PCDHGA10: variants seen among roughly 807,000 people sequenced by gnomAD.
PCDHGA10 encodes the protein protocadherin gamma subfamily A, 10.
A neutral mutation model predicts 59.5 loss-of-function variants in PCDHGA10; 42 were observed. That is an observed-to-expected ratio of 0.71 (90% CI 0.55 to 0.91). The LOEUF (loss-of-function observed/expected upper bound fraction) is 0.91, where lower values mean the gene tolerates loss of function less well. Among genes scored for constraint, PCDHGA10 ranks in the 40% least tolerant of loss-of-function variants. The probability of loss-of-function intolerance (pLI) is 0.00; values close to 1 mark genes in which losing one functional copy is unlikely to be tolerated. For synonymous variants in PCDHGA10, 511 were observed against 517.2 expected (o/e 0.99, Z 0.16); for missense variants, 1,111 against 1,198.2 (o/e 0.93, Z 1.07).
At chr5:141,483,584 T>C (rs2099583159) in intron 1 of PCDHGA10, among the ~76,000 whole-genome samples, 1 of 152,064 alleles carries the variant, frequency 6.6e-6, no homozygotes, top group African/African-American at 2.4e-5. Context: ...CATAAACACC[T>C]AATAGGTCAG....
intron 1 of PCDHGA10, chr5:141,418,211 C>T (rs752988020): frequency 1.2e-6 from 2 of 1,613,916 alleles, no homozygotes; most frequent in East Asian, 4.5e-5. Context: ...AAATATTTTT[C>T]ATGTCATTGT....
chr5:141,489,287 T>C lies in PCDHGA10; in HGVS notation c.2437-5520T>C. 1 of 1,573,410 alleles carries C rather than the reference T, an allele frequency of 6.4e-7. No individual in the cohort carries two copies. Among genetic ancestry groups the C allele is most frequent in the Non-Finnish European group, 8.6e-7 (1 of 1,159,858 alleles). ...CAGCTCGCTGGGAAATGGCAAGTGC[T>C]GTGCATGTTGTCCTTGTGCTGCTGG... On this transcript the variant is annotated intron_variant, in intron 1 of 3. Transcript: ENST00000398610. The surrounding 1 kb of genome is among the most constrained non-coding windows in gnomAD (Gnocchi z 4.5).
rs72790062 is a variant in PCDHGA10, at chr5:141,476,031, C to A, written c.2437-18776C>A. On this transcript the variant is annotated intron_variant, in intron 1 of 3. Coordinates refer to ENST00000398610, the MANE Select transcript of PCDHGA10 (RefSeq NM_018913.3). The surrounding 1 kb of genome is among the most constrained non-coding windows in gnomAD (Gnocchi z 7.6). Reference sequence around the variant, plus strand: ...AAGCCATGTCGGACTCGGCGCCCAGCGCCCAAGCGCTAACCCGCTGAAAGT... The same window carrying A: ...AAGCCATGTCGGACTCGGCGCCCAGAGCCCAAGCGCTAACCCGCTGAAAGT... 6.9e-6 allele frequency: 10 copies of A among 1,457,214 alleles called. No homozygotes were observed. The highest frequency in any genetic ancestry group is 9.1e-6 in the Non-Finnish European group (10 of 1,094,860). 90.3% of individuals were successfully genotyped at this position (1,457,214 alleles called of 1,614,324 possible).
intron 1 of PCDHGA10, chr5:141,423,421 G>A (rs772863950): frequency 1.2e-6 from 2 of 1,614,080 alleles, no homozygotes; most frequent in Non-Finnish European, 1.7e-6. Flanking sequence ...TTCTGAAGGC[G>A]GGTTGGCAGG....
In PCDHGA10 at chr5:141,432,536, G is replaced by A. The variant is rs767744134; in HGVS notation, c.2436+16925G>A. 6.2e-7 allele frequency: 1 copy of A among 1,614,050 alleles called. No individual in the cohort carries two copies. Among genetic ancestry groups the A allele is most frequent in the Non-Finnish European group, 8.5e-7 (1 of 1,180,006 alleles). On this transcript the variant is annotated intron_variant, in intron 1 of 3. Coordinates refer to ENST00000398610, the MANE Select transcript of PCDHGA10 (RefSeq NM_018913.3). This position sits in a 1 kb window ranked among gnomAD's most constrained non-coding sequence, Gnocchi z 6.0. ...CGGCTACCTGGTGACCAAGGTGGTG[G>A]CGGTGGACAGAGACTCCGGCCAGAA...
intron 1 of PCDHGA10, among the ~76,000 whole-genome samples, chr5:141,473,759 C>G (rs989399714): frequency 3.3e-5 from 5 of 152,158 alleles, no homozygotes; most frequent in African/African-American, 1.2e-4. Flanking sequence ...GGATACTATG[C>G]AAAGGATTTG....
At position 141,477,965 on chromosome 5, in the gene PCDHGA10, A is replaced by G. The variant is rs1415974296; in HGVS notation, c.2437-16842A>G. On this transcript the variant is annotated intron_variant, in intron 1 of 3. Coordinates refer to ENST00000398610, the MANE Select transcript of PCDHGA10 (RefSeq NM_018913.3). This position sits in a 1 kb window ranked among gnomAD's most constrained non-coding sequence, Gnocchi z 4.9. ...CAGTCTCTTGGGATCCCCTAACCAGAGCCTTTTTGCCATAGGGCTGCACAC... is the reference window on the plus strand; with the variant it reads ...CAGTCTCTTGGGATCCCCTAACCAGGGCCTTTTTGCCATAGGGCTGCACAC... 4 of 1,614,030 alleles carry G rather than the reference A, an allele frequency of 2.5e-6. No individual in the cohort carries two copies. In the Middle Eastern group the frequency reaches 4.9e-4, roughly 200 times the overall value.
chr5:141,434,092 A>C (rs1333686339), intron 1 of PCDHGA10, among the ~76,000 whole-genome samples: 1 of 152,172 alleles, frequency 6.6e-6, no homozygotes, highest in Non-Finnish European at 1.5e-5. Context: ...TTTGATGCTG[A>C]AATTGTCCCA....
At chr5:141,417,648 T>A in intron 1 of PCDHGA10, 5 of 818,672 alleles carry the variant, frequency 6.1e-6, no homozygotes, top group Non-Finnish European at 9.1e-6. Flanking sequence ...TCCCTCAGCC[T>A]CTAGCCTGGG....
At chr5:141,435,446 G>A (rs889481920) in intron 1 of PCDHGA10, among the ~76,000 whole-genome samples, 12 of 152,060 alleles carry the variant, frequency 7.9e-5, no homozygotes, top group Admixed American at 6.6e-4. Context: ...TCATTAATAC[G>A]ATATCTGTAT....
At chr5:141,471,111 C>T (rs529680278) in intron 1 of PCDHGA10, among the ~76,000 whole-genome samples, 1 of 146,150 alleles carries the variant, frequency 6.8e-6, no homozygotes, top group African/African-American at 2.6e-5. Flanking sequence ...TGCAGTGGTG[C>T]GATCTTACCT....
chr5:141,420,147 C>T lies in PCDHGA10; in HGVS notation c.2436+4536C>T, dbSNP rs1480828845. On this transcript the variant is annotated intron_variant, in intron 1 of 3. Transcript: ENST00000398610. Reference sequence around the variant, plus strand: ...TGTGTGCCTGGGGATCAAATGAATCCAGAATTTAATTTTTTCACATCTGTT... The same window carrying T: ...TGTGTGCCTGGGGATCAAATGAATCTAGAATTTAATTTTTTCACATCTGTT... The T allele has an allele frequency of 2.5e-6, 4 of 1,613,848 alleles. No individual in the cohort carries two copies. The East Asian group carries it at 8.9e-5, about 36-fold the overall frequency.
In PCDHGA10 at chr5:141,431,469, A is replaced by G; in HGVS notation, c.2436+15858A>G. 1.9e-6 allele frequency: 3 copies of G among 1,613,824 alleles called. No individual in the cohort carries two copies. Among genetic ancestry groups the G allele is most frequent in the Non-Finnish European group, 2.5e-6 (3 of 1,179,968 alleles). ...CGCGTGATGGTTCTGGATGCGAACG[A>G]CAACGCACCAGCGTTTGCTCAGCCC... is the stretch of plus-strand genomic sequence containing the variant. On this transcript the variant is annotated intron_variant, in intron 1 of 3. Coordinates refer to ENST00000398610, the MANE Select transcript of PCDHGA10 (RefSeq NM_018913.3). This position sits in a 1 kb window ranked among gnomAD's most constrained non-coding sequence, Gnocchi z 4.8.
At chr5:141,424,129 T>G in intron 1 of PCDHGA10, 1 of 492,066 alleles carries the variant, frequency 2.0e-6, no homozygotes, top group Non-Finnish European at 2.7e-6. Context: ...TCCTGTTGAT[T>G]TAATAGCATG....
At position 141,502,349 on chromosome 5, in the gene PCDHGA10, T is replaced by C. The variant is rs369766657; in HGVS notation, c.2496-3044T>C. 1.3e-3 allele frequency among the ~76,000 whole-genome samples: 200 copies of C among 152,292 alleles called. 3 individuals carry two copies. In the South Asian group the frequency reaches 0.034, roughly 26 times the overall value. On this transcript the variant is annotated intron_variant, in intron 2 of 3. Transcript: ENST00000398610. ...GCTCCCAGTCTTTTTATTTTTTTAA[T>C]GACATGGATATTTTTAAAGAGTCCA...
chr5:141,437,000 G>A (rs1197061999), intron 1 of PCDHGA10, among the ~76,000 whole-genome samples: 1 of 152,198 alleles, frequency 6.6e-6, no homozygotes, highest in Non-Finnish European at 1.5e-5. Flanking sequence ...TTACTTCAAT[G>A]GGATCTTAGA....
At chr5:141,423,659 A>T (rs369390148) in intron 1 of PCDHGA10, 133 of 1,551,038 alleles carry the variant, frequency 8.6e-5, no homozygotes, top group Non-Finnish European at 1.1e-4. Context: ...ACAAGTAATC[A>T]GGTGAGATTT....
At chr5:141,441,916 C>T (rs1340767725) in intron 1 of PCDHGA10, 9 of 352,248 alleles carry the variant, frequency 2.6e-5, no homozygotes, top group Non-Finnish European at 4.9e-5. Context: ...AGATGTGAGA[C>T]ACAATGCGTG....
At position 141,431,696 on chromosome 5, in the gene PCDHGA10, G is replaced by T; in HGVS notation, c.2436+16085G>T. ...AGGGGAGTTGGACCACGAGGAGTCA[G>T]GATTCTACCAGATGGAAGTGCAAGC... On this transcript the variant is annotated intron_variant, in intron 1 of 3. Transcript: ENST00000398610. The surrounding 1 kb of genome is among the most constrained non-coding windows in gnomAD (Gnocchi z 4.8). 6.2e-7 allele frequency: 1 copy of T among 1,614,238 alleles called. No individual in the cohort carries two copies. Among genetic ancestry groups the T allele is most frequent in the Non-Finnish European group, 8.5e-7 (1 of 1,180,038 alleles).
Sources: gnomAD v4.1 joint callset for allele counts (sites outside exome capture counted in the v4.1 genomes callset) on GRCh38, gnomAD v4.1.1 for gene constraint, Gnocchi (gnomAD v3.1) non-coding constraint, MANE v1.5 for transcripts, NCBI Gene and HGNC (gene_info 2026-07-23, HGNC 2026-07-21) for gene names.